Variants in STPG2 observed in about 807,000 individuals in gnomAD.
STPG2 encodes the protein sperm-tail PG-rich repeat-containing protein 2.
STPG2 carries 56 observed loss-of-function variants against 54.2 expected under a neutral mutation model. That is an observed-to-expected ratio of 1.03 (90% CI 0.83 to 1.29). The LOEUF (loss-of-function observed/expected upper bound fraction) is 1.29. Among genes scored for constraint, STPG2 ranks in the 50% most tolerant of loss-of-function variants. The probability of loss-of-function intolerance (pLI) is 0.00; values close to 1 mark genes in which losing one functional copy is unlikely to be tolerated. For missense variants in STPG2, 596 were observed against 544.9 expected (o/e 1.09, Z -0.93); for synonymous variants, 200 against 181.8 (o/e 1.10, Z -0.81).
intron 10 of STPG2, among the ~76,000 whole-genome samples, chr4:97,616,994 G>T (rs1733890026): frequency 6.6e-6 from 1 of 152,058 alleles, no homozygotes; most frequent in South Asian, 2.1e-4. Context: ...AAAAATGCAT[G>T]CCACTGTATA....
chr4:97,561,350 C>T (rs572466934), intron 10 of STPG2, among the ~76,000 whole-genome samples: 1 of 152,224 alleles, frequency 6.6e-6, no homozygotes, highest in East Asian at 1.9e-4. Flanking sequence ...GATATTAGTC[C>T]TTTGTCAGAT....
chr4:97,683,172 T>G (rs779481259), intron 10 of STPG2, among the ~76,000 whole-genome samples: 1 of 151,832 alleles, frequency 6.6e-6, no homozygotes, highest in African/African-American at 2.4e-5. Context: ...CAGTTCTCTT[T>G]TCTTGTCACA....
intron 5 of STPG2, among the ~76,000 whole-genome samples, chr4:98,066,038 A>T (rs1737824307): frequency 6.6e-6 from 1 of 152,042 alleles, no homozygotes; most frequent in African/African-American, 2.4e-5. Context: ...TAGGTATATC[A>T]AATATGTATA....
chr4:98,016,826 TC>T (rs1339028043), intron 5 of STPG2, among the ~76,000 whole-genome samples: 2 of 152,202 alleles, frequency 1.3e-5, no homozygotes, highest in Non-Finnish European at 2.9e-5. Context: ...TCCTGATTTT[TC>T]ATAATTGCTG....
At chr4:97,725,548 A>G (rs982482975) in intron 9 of STPG2, among the ~76,000 whole-genome samples, 1 of 151,946 alleles carries the variant, frequency 6.6e-6, no homozygotes, top group Non-Finnish European at 1.5e-5. Context: ...GTACTCCAGG[A>G]GCACATAACT....
At chr4:97,922,845 C>T (rs140213024) in intron 8 of STPG2, among the ~76,000 whole-genome samples, 3,076 of 152,200 alleles carry the variant, frequency 0.02, 115 homozygotes, top group African/African-American at 0.07. Context: ...CATGCTTCTG[C>T]TTTTTTCCCG....
intron 7 of STPG2, among the ~76,000 whole-genome samples, chr4:97,946,321 A>G (rs1733220592): frequency 6.6e-6 from 1 of 152,048 alleles, no homozygotes; most frequent in African/African-American, 2.4e-5. Context: ...ATAGTTTGCA[A>G]TATTTTCTCC....
At chr4:97,756,577 T>C (rs756617973) in intron 9 of STPG2, among the ~76,000 whole-genome samples, 1 of 151,952 alleles carries the variant, frequency 6.6e-6, no homozygotes, top group Non-Finnish European at 1.5e-5. Context: ...CCACCTGCCT[T>C]GGCCTCCCAA....
chr4:97,860,118 T>G (rs568835961), intron 8 of STPG2, among the ~76,000 whole-genome samples: 2 of 152,348 alleles, frequency 1.3e-5, no homozygotes, highest in East Asian at 3.9e-4. Flanking sequence ...CATGCTGTCT[T>G]GTTAACCATA....
chr4:97,536,515 C>A (rs1731535092), intron 4 of STPG2, among the ~76,000 whole-genome samples: 1 of 152,118 alleles, frequency 6.6e-6, no homozygotes, highest in Admixed American at 6.5e-5. Flanking sequence ...CCCAGCCATG[C>A]AGAACTGAGT....
At chr4:97,636,835 T>C (rs1449109806) in intron 10 of STPG2, among the ~76,000 whole-genome samples, 1 of 151,912 alleles carries the variant, frequency 6.6e-6, no homozygotes, top group Non-Finnish European at 1.5e-5. Flanking sequence ...GGATCTGAAA[T>C]TGTGGCAATA....
chr4:98,071,681 T>G (rs1441360840), intron 5 of STPG2, among the ~76,000 whole-genome samples: 1 of 152,172 alleles, frequency 6.6e-6, no homozygotes, highest in Non-Finnish European at 1.5e-5. Flanking sequence ...AAAGGTCTGA[T>G]ATTCAGCGAC....
At chr4:97,902,983 T>G in intron 8 of STPG2, among the ~76,000 whole-genome samples, 1 of 152,010 alleles carries the variant, frequency 6.6e-6, no homozygotes, top group East Asian at 1.9e-4. Flanking sequence ...AAAGAAAAAG[T>G]TTGCATGATC....
chr4:97,608,616 A>T (rs1733652491), intron 10 of STPG2, among the ~76,000 whole-genome samples: 1 of 152,082 alleles, frequency 6.6e-6, no homozygotes, highest in African/African-American at 2.4e-5. Context: ...GCTGTAATTG[A>T]GAACACTGAC....
At chr4:97,710,358 A>G (rs1295382196) in intron 10 of STPG2, among the ~76,000 whole-genome samples, 1 of 152,050 alleles carries the variant, frequency 6.6e-6, no homozygotes, top group Non-Finnish European at 1.5e-5. Flanking sequence ...ATAATTTACA[A>G]AAAAATGAAA....
chr4:97,458,839 G>C (rs530524799), intron 4 of STPG2, among the ~76,000 whole-genome samples: 1 of 152,048 alleles, frequency 6.6e-6, no homozygotes. Context: ...GACAAAGAAA[G>C]ACTGAGGAAG....
chr4:98,052,447 G>A (rs909532992), intron 5 of STPG2, among the ~76,000 whole-genome samples: 8 of 152,246 alleles, frequency 5.3e-5, no homozygotes, highest in African/African-American at 1.9e-4. Context: ...ACCCCAAGTG[G>A]TAACTAGCCA....
chr4:97,760,825 T>C (rs1411871394), intron 9 of STPG2, among the ~76,000 whole-genome samples: 1 of 152,174 alleles, frequency 6.6e-6, no homozygotes, highest in Non-Finnish European at 1.5e-5. Context: ...AAATGGGTCT[T>C]AATGGGCTAA....
chr4:97,773,313 T>TTTA (rs892431336), intron 9 of STPG2, among the ~76,000 whole-genome samples: 54 of 151,950 alleles, frequency 3.6e-4, no homozygotes, highest in African/African-American at 8.7e-4. Flanking sequence ...TACTGTATAA[T>TTTA]TTATTATTAT....
Sources: allele counts gnomAD v4.1 joint callset (sites outside exome capture counted in the v4.1 genomes callset), GRCh38; gene constraint gnomAD v4.1.1; transcripts MANE v1.5; gene names NCBI Gene and HGNC (gene_info 2026-07-23, HGNC 2026-07-21).